The following RNF216 variants were observed in gnomAD, a reference collection of about 807,000 sequenced individuals.
RNF216 encodes E3 ubiquitin-protein ligase RNF216.
RNF216 carries 72 observed loss-of-function variants against 110.8 expected under a neutral mutation model. The observed-to-expected ratio is 0.65, with a 90% CI of 0.54 to 0.79. The LOEUF is 0.79. Among genes scored for constraint, RNF216 ranks in the 30% least tolerant of loss-of-function variants. The probability of loss-of-function intolerance (pLI) is 0.00; values close to 1 mark genes in which losing one functional copy is unlikely to be tolerated. For synonymous variants in RNF216, 495 were observed against 407.5 expected (o/e 1.21, Z -2.59); for missense variants, 1,342 against 1,141.2 (o/e 1.18, Z -2.54).
At chr7:5,769,157 T>G (rs1195638463) in intron 1 of RNF216, among the ~76,000 whole-genome samples, 1 of 149,416 alleles carries the variant, frequency 6.7e-6, no homozygotes, top group Non-Finnish European at 1.5e-5. Context: ...TCCCCTCTGT[T>G]GCCAGACTGG....
intron 2 of RNF216, among the ~76,000 whole-genome samples, chr7:5,757,223 A>G (rs1584585548): frequency 6.6e-6 from 1 of 152,124 alleles, no homozygotes; most frequent in African/African-American, 2.4e-5. Context: ...ATAATGGTGG[A>G]TTTGTCCAAT....
At chr7:5,665,206 T>C (rs1789430268) in intron 13 of RNF216, among the ~76,000 whole-genome samples, 1 of 152,144 alleles carries the variant, frequency 6.6e-6, no homozygotes, top group Admixed American at 6.5e-5. Context: ...CTCTCTATCC[T>C]CAAAGTACAG....
chr7:5,773,368 G>A (rs891641555), intron 1 of RNF216, among the ~76,000 whole-genome samples: 1 of 148,150 alleles, frequency 6.7e-6, no homozygotes, highest in Non-Finnish European at 1.5e-5. Flanking sequence ...TCAACCTCCA[G>A]AATAGCTGGG....
intron 3 of RNF216, among the ~76,000 whole-genome samples, chr7:5,743,464 T>C (rs1465196134): frequency 6.6e-6 from 1 of 152,190 alleles, no homozygotes; most frequent in Non-Finnish European, 1.5e-5. Context: ...TTCTACAAAA[T>C]ACTCTACAAC....
At chr7:5,688,032 G>T (rs988540363) in intron 13 of RNF216, among the ~76,000 whole-genome samples, 22 of 152,198 alleles carry the variant, frequency 1.4e-4, no homozygotes, top group African/African-American at 5.1e-4. Context: ...CACTTTGCTT[G>T]ATGGAAGGAA....
intron 13 of RNF216, among the ~76,000 whole-genome samples, chr7:5,683,866 C>G (rs1034271405): frequency 2.0e-5 from 3 of 152,030 alleles, no homozygotes; most frequent in African/African-American, 7.3e-5. Context: ...GCCATCATTA[C>G]AGAAAAAAGA....
intron 14 of RNF216, 62 bp downstream of exon 14, chr7:5,652,351 A>G (rs148675517): frequency 0.024 from 28,822 of 1,217,304 alleles, 425 homozygotes; most frequent in Non-Finnish European, 0.03. Context: ...CTCTCTACCA[A>G]AAAGCAGGTT....
At chr7:5,630,274 C>A (rs2128558968) in intron 15 of RNF216, among the ~76,000 whole-genome samples, 1 of 152,254 alleles carries the variant, frequency 6.6e-6, no homozygotes, top group East Asian at 1.9e-4. Flanking sequence ...AACTACAACT[C>A]TGGGGCTCCA....
intron 13 of RNF216, among the ~76,000 whole-genome samples, chr7:5,706,120 T>C (rs1792271637): frequency 6.7e-6 from 1 of 150,092 alleles, no homozygotes; most frequent in Non-Finnish European, 1.5e-5. Context: ...TTCAGGAGGC[T>C]GAGGCAGGAG....
chr7:5,651,774 G>A (rs560468706), intron 14 of RNF216, among the ~76,000 whole-genome samples: 8 of 152,014 alleles, frequency 5.3e-5, no homozygotes, highest in Non-Finnish European at 7.4e-5. Flanking sequence ...TCAGCCTCCC[G>A]AGTAGCTGGG....
At chr7:5,726,731 C>T (rs1209091232) in intron 7 of RNF216, among the ~76,000 whole-genome samples, 5 of 151,870 alleles carry the variant, frequency 3.3e-5, no homozygotes, top group African/African-American at 9.7e-5. Context: ...TGGTAGCAAG[C>T]GCCTGTAATC....
chr7:5,700,259 G>A (rs1170330700), intron 13 of RNF216, among the ~76,000 whole-genome samples: 1 of 152,150 alleles, frequency 6.6e-6, no homozygotes, highest in Non-Finnish European at 1.5e-5. Flanking sequence ...CCGCACACGT[G>A]CACTCACACA....
intron 5 of RNF216, among the ~76,000 whole-genome samples, chr7:5,737,004 C>T (rs2128648883): frequency 6.6e-6 from 1 of 152,256 alleles, no homozygotes; most frequent in Admixed American, 6.5e-5. Flanking sequence ...TGCCCGGCCG[C>T]CACCCCGTCT....
intron 1 of RNF216, among the ~76,000 whole-genome samples, chr7:5,777,966 C>T (rs1796876154): frequency 6.6e-6 from 1 of 152,154 alleles, no homozygotes; most frequent in African/African-American, 2.4e-5. Flanking sequence ...AGGGTAAAAT[C>T]AACGTTTTCA....
chr7:5,750,904 G>C (rs1795294007), intron 3 of RNF216, among the ~76,000 whole-genome samples: 1 of 145,168 alleles, frequency 6.9e-6, no homozygotes, highest in South Asian at 2.3e-4. Context: ...ACTCAACAGA[G>C]AAGATTCTGT....
intron 14 of RNF216, among the ~76,000 whole-genome samples, chr7:5,651,929 G>C (rs1025817292): frequency 6.6e-6 from 1 of 152,316 alleles, no homozygotes; most frequent in East Asian, 1.9e-4. Flanking sequence ...TTACAGGCGT[G>C]AGCCACTGCG....
intron 13 of RNF216, chr7:5,662,345 C>T (rs894835555): frequency 2.1e-4 from 32 of 152,120 alleles, no homozygotes; most frequent in Admixed American, 2.0e-3. Flanking sequence ...TTTCCATTAC[C>T]GCATAAACAG....
At chr7:5,712,486 G>GA (rs1345675088) in intron 12 of RNF216, among the ~76,000 whole-genome samples, 2 of 149,996 alleles carry the variant, frequency 1.3e-5, no homozygotes, top group African/African-American at 4.9e-5. Flanking sequence ...AAAAAAAAAA[G>GA]AAGTTTGAGG....
At chr7:5,710,371 ACAAAAAC>A (rs1792596375) in intron 13 of RNF216, among the ~76,000 whole-genome samples, 1 of 146,114 alleles carries the variant, frequency 6.8e-6, no homozygotes, top group Non-Finnish European at 1.5e-5. Context: ...AAACTTAAAA[ACAAAAAC>A]AAAAACAAAA....
Sources: gnomAD v4.1 joint callset for allele counts (sites outside exome capture counted in the v4.1 genomes callset) on GRCh38, gnomAD v4.1.1 for gene constraint, MANE v1.5 for transcripts, NCBI Gene and HGNC (gene_info 2026-07-23, HGNC 2026-07-21) for gene names.